TLE1: variants seen among roughly 807,000 people sequenced by gnomAD.
TLE1 encodes the protein TLE family member 1, transcriptional corepressor, also known as transducin-like enhancer protein 1.
TLE1 carries 21 observed loss-of-function variants against 89.8 expected under a neutral mutation model. The observed-to-expected ratio is 0.23, with a 90% CI of 0.17 to 0.34. The LOEUF (loss-of-function observed/expected upper bound fraction) is 0.34, where lower values mean the gene tolerates loss of function less well. TLE1 is among the 10% of genes least tolerant of loss of function. The pLI is 1.00. For synonymous variants in TLE1, 447 were observed against 407.6 expected (o/e 1.10, Z -1.16); for missense variants, 795 against 1,031.2 (o/e 0.77, Z 3.14).
chr9:81,630,832 T>C (rs1826496821), intron 8 of TLE1, among the ~76,000 whole-genome samples: 1 of 152,224 alleles, frequency 6.6e-6, no homozygotes, highest in South Asian at 2.1e-4. Context: ...TACTCATTTT[T>C]ATACAAAGTT....
intron 2 of TLE1, 98 bp from the exon 3 acceptor site, chr9:81,685,994 T>G: frequency 7.5e-7 from 1 of 1,329,838 alleles, no homozygotes; most frequent in African/African-American, 1.5e-5. Context: ...ACAGACCAAT[T>G]TGGAAAAGCC....
intron 4 of TLE1, among the ~76,000 whole-genome samples, chr9:81,660,328 CA>C: frequency 7.2e-6 from 1 of 138,430 alleles, no homozygotes; most frequent in South Asian, 2.3e-4. Context: ...CAGTGCTAGA[CA>C]AAGGCTGTTC....
At chr9:81,585,412 T>C in intron 18 of TLE1, 93 bp downstream of exon 18, 1 of 1,494,874 alleles carries the variant, frequency 6.7e-7, no homozygotes, top group Non-Finnish European at 9.1e-7. Flanking sequence ...CGGAGAACAT[T>C]TTTTCCAGAT....
rs150190756 is a variant in TLE1 at position 81,652,639 on chromosome 9, T to C, written c.298-351A>G. Among the ~76,000 whole-genome samples the C allele has an allele frequency of 1.8e-3, 281 of 152,276 alleles. 3 individuals carry two copies. Among genetic ancestry groups the C allele is most frequent in the African/African-American group, 6.4e-3 (264 of 41,570 alleles). On this transcript the variant is annotated intron_variant, in intron 5 of 19. Coordinates refer to ENST00000376499, the MANE Select transcript of TLE1 (RefSeq NM_005077.5). ...TGTTCACAAAAGGGGTTCATAAGTT[T>C]ACAGCAATTTTAAAATATGCATTTT...
At chr9:81,687,678 C>G (rs537137288) in intron 1 of TLE1, among the ~76,000 whole-genome samples, 61 of 152,146 alleles carry the variant, frequency 4.0e-4, no homozygotes, top group African/African-American at 1.2e-3. Flanking sequence ...GCTAAGTGCG[C>G]CCGGGTCACC....
intron 9 of TLE1, among the ~76,000 whole-genome samples, chr9:81,618,770 G>A (rs1824870181): frequency 6.6e-6 from 1 of 152,130 alleles, no homozygotes; most frequent in African/African-American, 2.4e-5. Context: ...TAAGGAACTA[G>A]CAAAAAGTAG....
rs1019911592 is a variant in TLE1 at position 81,675,712 on chromosome 9, T to TGTTTTG, written c.234+9963_234+9964insCAAAAC. 8.2e-5 allele frequency among the ~76,000 whole-genome samples: 12 copies of TGTTTTG among 145,752 alleles called. 1 individual carries two copies. Among genetic ancestry groups the TGTTTTG allele is most frequent in the African/African-American group, 3.2e-4 (12 of 37,438 alleles). ...GACTCACACTAGTTTTTTTTTGTTTTTTTTTTTGAGACGGAGTCTCGCTCT... is the reference window on the plus strand; with the variant it reads ...GACTCACACTAGTTTTTTTTTGTTTTGTTTTGTTTTTTTGAGACGGAGTCTCGCTCT... On this transcript the variant is annotated intron_variant, in intron 4 of 19. Transcript: ENST00000376499.
chr9:81,652,782 A>T (rs1033600243), intron 5 of TLE1, among the ~76,000 whole-genome samples: 2 of 152,194 alleles, frequency 1.3e-5, no homozygotes, highest in Non-Finnish European at 2.9e-5. Flanking sequence ...CTCTATTTTT[A>T]AAATAAATAA....
At chr9:81,672,841 GT>G (rs1428883169) in intron 4 of TLE1, among the ~76,000 whole-genome samples, 1 of 152,002 alleles carries the variant, frequency 6.6e-6, no homozygotes, top group Non-Finnish European at 1.5e-5. Context: ...CAAATCCTTT[GT>G]TGTTCTTCCA....
intron 14 of TLE1, among the ~76,000 whole-genome samples, chr9:81,604,954 T>A (rs1366269684): frequency 6.6e-6 from 1 of 152,130 alleles, no homozygotes; most frequent in Non-Finnish European, 1.5e-5. Context: ...AGAGCACATA[T>A]CACAAGTCAA....
At chr9:81,586,791 A>C (rs1476327807) in intron 17 of TLE1, among the ~76,000 whole-genome samples, 1 of 152,234 alleles carries the variant, frequency 6.6e-6, no homozygotes. Context: ...GAAGTTTTAA[A>C]AAAAGGCAGA....
At chr9:81,681,577 T>C (rs1050952017) in intron 4 of TLE1, among the ~76,000 whole-genome samples, 2 of 151,464 alleles carry the variant, frequency 1.3e-5, no homozygotes, top group African/African-American at 2.4e-5. Flanking sequence ...AAAAAATTCT[T>C]CACCATCCTG....
At chr9:81,677,245 C>G (rs1247262003) in intron 4 of TLE1, among the ~76,000 whole-genome samples, 21 of 144,938 alleles carry the variant, frequency 1.4e-4, no homozygotes, top group East Asian at 2.1e-4. Flanking sequence ...TTCCCCCCCC[C>G]AAAAAAAAGA....
intron 14 of TLE1, among the ~76,000 whole-genome samples, chr9:81,606,802 T>TGG (rs1554670256): frequency 6.6e-6 from 1 of 151,318 alleles, no homozygotes; most frequent in Non-Finnish European, 1.5e-5. Context: ...TATATATATA[T>TGG]AGAGAGAGAG....
intron 6 of TLE1, among the ~76,000 whole-genome samples, chr9:81,647,444 C>T (rs116711411): frequency 0.011 from 1,680 of 152,320 alleles, 32 homozygotes; most frequent in African/African-American, 0.031. Flanking sequence ...TATTAAAAGT[C>T]ATTCATGCAC....
intron 8 of TLE1, among the ~76,000 whole-genome samples, chr9:81,629,871 G>A (rs1044685349): frequency 8.5e-5 from 13 of 152,146 alleles, no homozygotes; most frequent in Non-Finnish European, 1.6e-4. Flanking sequence ...TGGAAGTGTT[G>A]TTATGCAGTG....
chr9:81,680,936 A>G (rs1349630214), intron 4 of TLE1, among the ~76,000 whole-genome samples: 8 of 151,014 alleles, frequency 5.3e-5, no homozygotes, highest in Non-Finnish European at 1.0e-4. Context: ...GGTTAAAAAA[A>G]AAAAACAAAA....
At chr9:81,610,908 C>G (rs1823626774) in intron 13 of TLE1, among the ~76,000 whole-genome samples, 1 of 152,178 alleles carries the variant, frequency 6.6e-6, no homozygotes, top group Non-Finnish European at 1.5e-5. Flanking sequence ...AGCATGTAGT[C>G]TCTCAGCTGA....
At chr9:81,642,423 T>TGG (rs1405708169) in intron 6 of TLE1, among the ~76,000 whole-genome samples, 1 of 152,082 alleles carries the variant, frequency 6.6e-6, no homozygotes, top group Non-Finnish European at 1.5e-5. Context: ...CCGGGCACAG[T>TGG]GGCTCATGCC....
Sources: allele counts gnomAD v4.1 joint callset (sites outside exome capture counted in the v4.1 genomes callset), GRCh38; gene constraint gnomAD v4.1.1; transcripts MANE v1.5; gene names NCBI Gene and HGNC (gene_info 2026-07-23, HGNC 2026-07-21).